The following SGCZ variants were observed in gnomAD, a reference collection of about 807,000 sequenced individuals.
SGCZ encodes the protein sarcoglycan zeta.
A neutral mutation model predicts 41.3 loss-of-function variants in SGCZ; 40 were observed. That is an observed-to-expected ratio of 0.97 (90% CI 0.75 to 1.26). The LOEUF (loss-of-function observed/expected upper bound fraction) is 1.26, where lower values mean the gene tolerates loss of function less well. Ranked by LOEUF, SGCZ falls within the 50% of genes most tolerant of loss-of-function variation. The probability of loss-of-function intolerance (pLI) is 0.00; values close to 1 mark genes in which losing one functional copy is unlikely to be tolerated. For synonymous variants in SGCZ, 206 were observed against 137.5 expected (o/e 1.50, Z -3.49); for missense variants, 552 against 369.8 (o/e 1.49, Z -4.04).
At chr8:14,752,740 G>C (rs185395070) in intron 1 of SGCZ, among the ~76,000 whole-genome samples, 2 of 152,034 alleles carry the variant, frequency 1.3e-5, no homozygotes, top group African/African-American at 2.4e-5. Flanking sequence ...GAAAGCAAAA[G>C]AAAAAAGAAA....
chr8:14,355,446 G>A (rs905011118), intron 2 of SGCZ, among the ~76,000 whole-genome samples: 6 of 151,888 alleles, frequency 4.0e-5, no homozygotes, highest in Non-Finnish European at 7.4e-5. Flanking sequence ...ACAAATACTG[G>A]CCTATTTATA....
At chr8:14,988,117 T>C (rs1436417326) in intron 1 of SGCZ, among the ~76,000 whole-genome samples, 3 of 152,030 alleles carry the variant, frequency 2.0e-5, no homozygotes, top group East Asian at 3.9e-4. Flanking sequence ...ATTTAAAATA[T>C]ATTGTTTTGG....
chr8:14,376,034 C>A (rs1044840618), intron 2 of SGCZ, among the ~76,000 whole-genome samples: 1 of 152,166 alleles, frequency 6.6e-6, no homozygotes, highest in African/African-American at 2.4e-5. Context: ...CAATGGAAAG[C>A]CAGGCGAGGT....
chr8:14,748,419 T>C (rs1404618708), intron 1 of SGCZ, among the ~76,000 whole-genome samples: 1 of 152,152 alleles, frequency 6.6e-6, no homozygotes, highest in Non-Finnish European at 1.5e-5. Flanking sequence ...TCCTTTAGGT[T>C]GTAATAAATT....
chr8:14,566,860 C>T (rs1229618398), intron 1 of SGCZ, among the ~76,000 whole-genome samples: 1 of 152,190 alleles, frequency 6.6e-6, no homozygotes, highest in Non-Finnish European at 1.5e-5. Flanking sequence ...GCACACGGTG[C>T]TTGCGGGCCA....
In SGCZ at chr8:14,359,829, AC is replaced by A. The variant is rs1339051002; in HGVS notation, c.235-35626del. 4.2e-3 allele frequency among the ~76,000 whole-genome samples: 636 copies of A among 151,576 alleles called. 5 individuals carry two copies. The highest frequency in any genetic ancestry group is 0.014 in the African/African-American group (559 of 40,934). Reference sequence around the variant, plus strand: ...ATACAAAAAAAGAAAAAAAAAAAAAACAAATATCCCGGATGAATACTGATGA... The same window carrying A: ...ATACAAAAAAAGAAAAAAAAAAAAAAAAATATCCCGGATGAATACTGATGA... On this transcript the variant is annotated intron_variant, in intron 2 of 7. Transcript: ENST00000382080.
chr8:14,090,522 G>A lies in SGCZ; in HGVS notation c.860C>T (p.Pro287Leu). The change falls in exon 8 of 8, where the codon CCC becomes CTC. Residue 287 changes from proline to leucine, a missense_variant. Pro to Leu is a moderately conservative substitution (Grantham distance 98). Coordinates refer to ENST00000382080, the MANE Select transcript of SGCZ (RefSeq NM_139167.4). ...TGGAGAAAGGTAAAGTTTGCCATTG[G>A]GGCAGACGCAGAGTTCATACACTGT... ...RQTVYELCVC[P>L]NGKLYLSPAG... 1 of 1,613,044 alleles carries A rather than the reference G, an allele frequency of 6.2e-7. No individual in the cohort carries two copies. Among genetic ancestry groups the A allele is most frequent in the East Asian group, 2.2e-5 (1 of 44,842 alleles).
intron 2 of SGCZ, among the ~76,000 whole-genome samples, chr8:14,380,922 T>G (rs1320606114): frequency 6.6e-6 from 1 of 152,156 alleles, no homozygotes. Flanking sequence ...CTACCTTTCA[T>G]GTTCTTAATT....
intron 4 of SGCZ, among the ~76,000 whole-genome samples, chr8:14,175,131 C>G (rs1804504579): frequency 6.6e-6 from 1 of 152,040 alleles, no homozygotes; most frequent in Admixed American, 6.6e-5. Flanking sequence ...TAAAATGTGT[C>G]TTCAATGCCC....
At chr8:14,397,337 T>C (rs1161705175) in intron 2 of SGCZ, among the ~76,000 whole-genome samples, 3 of 152,278 alleles carry the variant, frequency 2.0e-5, no homozygotes, top group African/African-American at 7.2e-5. Flanking sequence ...AATTTATAAT[T>C]AGGTCTCCTT....
intron 1 of SGCZ, among the ~76,000 whole-genome samples, chr8:14,933,698 C>T (rs2130809460): frequency 6.6e-6 from 1 of 152,030 alleles, no homozygotes; most frequent in South Asian, 2.1e-4. Flanking sequence ...GTGATCTGCC[C>T]GCCTTGGCCT....
intron 1 of SGCZ, among the ~76,000 whole-genome samples, chr8:14,815,786 A>T (rs1046543388): frequency 2.6e-5 from 4 of 152,196 alleles, no homozygotes; most frequent in Non-Finnish European, 4.4e-5. Flanking sequence ...ATAATATGTG[A>T]TGTTATCTGT....
chr8:15,181,300 T>C (rs996380190), intron 1 of SGCZ, among the ~76,000 whole-genome samples: 3 of 152,154 alleles, frequency 2.0e-5, no homozygotes, highest in Admixed American at 6.5e-5. Flanking sequence ...TCTTCACCTT[T>C]TTTTCTACTT....
chr8:15,224,386 T>A (rs1801702913), intron 1 of SGCZ, among the ~76,000 whole-genome samples: 1 of 152,132 alleles, frequency 6.6e-6, no homozygotes, highest in African/African-American at 2.4e-5. Context: ...ATACTTTTAA[T>A]ATCCTAAGAG....
At chr8:14,108,353 G>C (rs1802272253) in intron 5 of SGCZ, 118 bp from the exon 6 acceptor site, 3 of 824,132 alleles carry the variant, frequency 3.6e-6, no homozygotes, top group Non-Finnish European at 4.0e-6. Flanking sequence ...AGGTACATAT[G>C]ATGTATTAGT....
chr8:14,434,045 G>C (rs1271122144), intron 2 of SGCZ, among the ~76,000 whole-genome samples: 2 of 152,172 alleles, frequency 1.3e-5, no homozygotes, highest in African/African-American at 2.4e-5. Flanking sequence ...CCTTGCCTAA[G>C]CCAATGTGTA....
rs150847640 is a variant in SGCZ at position 14,630,664 on chromosome 8, C to G, written c.40-75738G>C. Among the ~76,000 whole-genome samples, 1,337 of 151,168 alleles carry G rather than the reference C, an allele frequency of 8.8e-3. 19 individuals carry two copies. Among genetic ancestry groups the G allele is most frequent in the African/African-American group, 0.031 (1,267 of 41,190 alleles). Reference sequence around the variant, plus strand: ...TAGACTGGATTAAGAAAATGTGACACGTATATGCCATGGAATACTATGCAG... The same window carrying G: ...TAGACTGGATTAAGAAAATGTGACAGGTATATGCCATGGAATACTATGCAG... On this transcript the variant is annotated intron_variant, in intron 1 of 7. Coordinates refer to ENST00000382080, the MANE Select transcript of SGCZ (RefSeq NM_139167.4).
At chr8:14,499,379 T>C (rs1040899814) in intron 2 of SGCZ, among the ~76,000 whole-genome samples, 1 of 152,072 alleles carries the variant, frequency 6.6e-6, no homozygotes, top group Admixed American at 6.6e-5. Context: ...AAATTTTCTT[T>C]TGCATCATAT....
At chr8:14,448,012 A>T (rs1370434258) in intron 2 of SGCZ, among the ~76,000 whole-genome samples, 2 of 152,190 alleles carry the variant, frequency 1.3e-5, no homozygotes, top group Non-Finnish European at 2.9e-5. Flanking sequence ...TGAAGTTAAA[A>T]TAGTCTGAAA....
Sources: allele counts gnomAD v4.1 joint callset (sites outside exome capture counted in the v4.1 genomes callset), GRCh38; gene constraint gnomAD v4.1.1; transcripts MANE v1.5; gene names NCBI Gene and HGNC (gene_info 2026-07-23, HGNC 2026-07-21).